RERE: variants seen among roughly 807,000 people sequenced by gnomAD.
RERE encodes the protein arginine-glutamic acid dipeptide repeats, also known as arginine-glutamic acid dipeptide repeats protein.
RERE carries 40 observed loss-of-function variants against 146.1 expected under a neutral mutation model. That is an observed-to-expected ratio of 0.27 (90% CI 0.21 to 0.36). The LOEUF is 0.36. Among genes scored for constraint, RERE ranks in the 10% least tolerant of loss-of-function variants. The pLI is 1.00. For missense variants in RERE, 1,933 were observed against 2,138.7 expected, an observed-to-expected ratio of 0.90 and a Z score of 1.90; for synonymous variants, 1,003 against 866.0, an observed-to-expected ratio of 1.16 and a Z score of -2.78.
At chr1:8,742,981 C>T (rs773197102) in intron 1 of RERE, among the ~76,000 whole-genome samples, 4 of 151,618 alleles carry the variant, frequency 2.6e-5, no homozygotes, top group Admixed American at 6.6e-5. Flanking sequence ...TACAAACAGA[C>T]GTTATTTCAG....
chr1:8,467,620 A>G (rs964534863), intron 10 of RERE, among the ~76,000 whole-genome samples: 9 of 152,314 alleles, frequency 5.9e-5, no homozygotes, highest in Non-Finnish European at 7.4e-5. Context: ...AACAAAAGGA[A>G]TATCACAAAC....
intron 4 of RERE, among the ~76,000 whole-genome samples, chr1:8,598,903 A>T (rs894300528): frequency 6.6e-6 from 1 of 152,212 alleles, no homozygotes; most frequent in Non-Finnish European, 1.5e-5. Context: ...ATGTAAATAT[A>T]CCACAGCACT....
At chr1:8,470,171 G>A (rs1363237009) in intron 10 of RERE, among the ~76,000 whole-genome samples, 1 of 152,064 alleles carries the variant, frequency 6.6e-6, no homozygotes, top group Non-Finnish European at 1.5e-5. Flanking sequence ...CATGTTATCA[G>A]TAAGTATTGA....
At chr1:8,564,876 A>G (rs865784648) in intron 4 of RERE, among the ~76,000 whole-genome samples, 2,441 of 84,494 alleles carry the variant, frequency 0.029, 58 homozygotes, top group African/African-American at 0.093. Flanking sequence ...GTGTGTATAT[A>G]TATATATAAA....
At chr1:8,694,376 A>G (rs745888531) in intron 1 of RERE, among the ~76,000 whole-genome samples, 2 of 152,210 alleles carry the variant, frequency 1.3e-5, no homozygotes, top group Non-Finnish European at 2.9e-5. Context: ...TCCTATTTAT[A>G]ATAGCCATAA....
Position 8,356,380 on chromosome 1 carries a change from G to A in RERE, c.4340-134C>T, listed in dbSNP as rs543715005. ...TCACCAGGGCTGGATGCACCACCTG[G>A]CTACAGGTGGCCCTGCCCCAAAGTG... On this transcript the variant is annotated intron_variant, in intron 20 of 22. Transcript: ENST00000400908. The surrounding 1 kb of genome is among the most constrained non-coding windows in gnomAD (Gnocchi z 5.2). 330 of 1,028,610 alleles carry A rather than the reference G, an allele frequency of 3.2e-4. 5 individuals are homozygous for A. The East Asian group carries it at 9.1e-3, about 28-fold the overall frequency. 63.7% of individuals were successfully genotyped at this position (1,028,610 alleles called of 1,614,324 possible). A position where few individuals can be genotyped will look rare whatever the true frequency, so the allele number is the denominator to read the frequency against.
intron 8 of RERE, among the ~76,000 whole-genome samples, chr1:8,502,504 G>A (rs1242155520): frequency 8.1e-6 from 1 of 122,838 alleles, no homozygotes; most frequent in East Asian, 2.8e-4. Context: ...CCCCATCCGG[G>A]AGGTCAGGGG....
chr1:8,788,666 G>GTTTTTTTTTTT, intron 1 of RERE, among the ~76,000 whole-genome samples: 1 of 144,614 alleles, frequency 6.9e-6, no homozygotes, highest in East Asian at 2.0e-4. Flanking sequence ...CCCAGCCAGT[G>GTTTTTTTTTTT]TTTTTTTTTT....
At chr1:8,496,500 CAA>C (rs148050643) in intron 9 of RERE, among the ~76,000 whole-genome samples, 1 of 144,770 alleles carries the variant, frequency 6.9e-6, no homozygotes, top group Non-Finnish European at 1.5e-5. Context: ...AAGTAACAAC[CAA>C]AAAAAAAAGA....
intron 8 of RERE, among the ~76,000 whole-genome samples, chr1:8,505,750 C>A (rs1332262573): frequency 6.6e-6 from 1 of 152,078 alleles, no homozygotes; most frequent in Non-Finnish European, 1.5e-5. Context: ...AGGCTGGTCT[C>A]GAATTCCTGA....
chr1:8,619,018 T>C (rs1308270726), intron 3 of RERE, among the ~76,000 whole-genome samples: 1 of 152,192 alleles, frequency 6.6e-6, no homozygotes, highest in Non-Finnish European at 1.5e-5. Flanking sequence ...TCCAAGTGTT[T>C]TTCCTCCAAC....
At chr1:8,595,845 T>A (rs892404998) in intron 4 of RERE, among the ~76,000 whole-genome samples, 1 of 152,016 alleles carries the variant, frequency 6.6e-6, no homozygotes, top group African/African-American at 2.4e-5. Context: ...AAAGAAGAAA[T>A]GCAATTCCCA....
intron 6 of RERE, 89 bp downstream of exon 6, chr1:8,556,386 G>A: frequency 2.5e-6 from 2 of 790,296 alleles, no homozygotes; most frequent in African/African-American, 1.7e-5. Flanking sequence ...TTAATACAGT[G>A]ACTACTAAAA....
chr1:8,490,197 C>T lies in RERE; in HGVS notation c.1104+4866G>A, dbSNP rs578100120. ...CCAACGTGGTGAAATCCTGTCTCTA[C>T]GAAAAATACAAAAAAATTAGCTGGA... On this transcript the variant is annotated intron_variant, in intron 10 of 22. Coordinates refer to ENST00000400908, the MANE Select transcript of RERE (RefSeq NM_001042681.2). Among the ~76,000 whole-genome samples, 61 of 150,376 alleles carry T rather than the reference C, an allele frequency of 4.1e-4. No homozygotes were observed. In the Middle Eastern group the frequency reaches 0.02, roughly 50 times the overall value.
chr1:8,613,556 C>G (rs111433704), intron 4 of RERE, among the ~76,000 whole-genome samples: 95 of 152,334 alleles, frequency 6.2e-4, no homozygotes, highest in African/African-American at 2.2e-3. Context: ...ATCTGGAGCA[C>G]TTTCTTTTCT....
intron 1 of RERE, among the ~76,000 whole-genome samples, chr1:8,792,140 G>A (rs1455258892): frequency 6.6e-6 from 1 of 151,898 alleles, no homozygotes; most frequent in Non-Finnish European, 1.5e-5. Context: ...GTATAAGAGC[G>A]CCTTCTTCAC....
At chr1:8,811,650 G>A (rs1369038403) in intron 1 of RERE, among the ~76,000 whole-genome samples, 1 of 152,162 alleles carries the variant, frequency 6.6e-6, no homozygotes, top group African/African-American at 2.4e-5. Context: ...ACATATACAG[G>A]TGCCAATGAA....
chr1:8,789,295 AAAAAAAAT>A (rs1476244784), intron 1 of RERE, among the ~76,000 whole-genome samples: 1 of 72,520 alleles, frequency 1.4e-5, no homozygotes, highest in Non-Finnish European at 2.6e-5. Flanking sequence ...AAAAAAAAAA[AAAAAAAAT>A]ATATATATAT....
chr1:8,409,970 AAT>A (rs1643566407), intron 12 of RERE, among the ~76,000 whole-genome samples: 2 of 116,394 alleles, frequency 1.7e-5, no homozygotes, highest in African/African-American at 3.2e-5. Flanking sequence ...TCAATCAGGC[AAT>A]TTTTTTTTTT....
Sources: gnomAD v4.1 joint callset for allele counts (sites outside exome capture counted in the v4.1 genomes callset) on GRCh38, gnomAD v4.1.1 for gene constraint, Gnocchi (gnomAD v3.1) non-coding constraint, MANE v1.5 for transcripts, NCBI Gene and HGNC (gene_info 2026-07-23, HGNC 2026-07-21) for gene names.